The following CEP95 variants were observed in gnomAD, a reference collection of about 807,000 sequenced individuals.
CEP95 encodes the protein centrosomal protein of 95 kDa.
CEP95 carries 98 observed loss-of-function variants against 111.2 expected under a neutral mutation model. The observed-to-expected ratio is 0.88, with a 90% CI of 0.75 to 1.04. The LOEUF is 1.04. Among genes scored for constraint, CEP95 ranks in the 50% least tolerant of loss-of-function variants. The probability of loss-of-function intolerance (pLI) is 0.00; values close to 1 mark genes in which losing one functional copy is unlikely to be tolerated. For missense variants in CEP95, 1,027 were observed against 977.2 expected, an observed-to-expected ratio of 1.05 and a Z score of -0.68; for synonymous variants, 323 against 327.1, an observed-to-expected ratio of 0.99 and a Z score of 0.14.
chr17:64,533,082 T>TTA, intron 15 of CEP95, 35 bp from the exon 16 acceptor site: 1 of 1,607,604 alleles, frequency 6.2e-7, no homozygotes, highest in Non-Finnish European at 8.5e-7. Context: ...GTGAACAGCA[T>TTA]TATTAACCTA....
intron 13 of CEP95, 99 bp from the exon 14 acceptor site, chr17:64,531,787 AAAAC>A: frequency 1.2e-6 from 1 of 867,936 alleles, no homozygotes; most frequent in Non-Finnish European, 1.6e-6. Context: ...AAAAAACTAA[AAAAC>A]TACCGTTAGC....
At position 64,529,303 on chromosome 17, in the gene CEP95, G is replaced by A; in HGVS notation, c.1322G>A (p.Arg441Lys). Residue 441 changes from arginine (R) to lysine (K), a missense_variant, in exon 12 of 20, where the codon AGA becomes AAA. Arg to Lys is a conservative substitution (Grantham distance 26). Coordinates refer to ENST00000556440, the MANE Select transcript of CEP95 (RefSeq NM_138363.3). ...TCTGTTGCAGGACTTTCCATGCGTA[G>A]AAAGCCACCCTACAGATCCCATTCG... ...KKSRPGLSMR[R>K]KPPYRSHSLS... 6.2e-7 allele frequency: 1 copy of A among 1,612,874 alleles called. No individual in the cohort carries two copies. Among genetic ancestry groups the A allele is most frequent in the East Asian group, 2.2e-5 (1 of 44,840 alleles).
In CEP95 at chr17:64,521,490, T is replaced by A; in HGVS notation, c.678T>A (p.Ser226Arg). 6.2e-7 allele frequency: 1 copy of A among 1,612,756 alleles called. No individual in the cohort carries two copies. The highest frequency in any genetic ancestry group is 8.5e-7 in the Non-Finnish European group (1 of 1,179,100). The change falls in exon 7 of 20, where the codon AGT becomes AGA. Residue 226 changes from serine to arginine, a missense_variant. Ser to Arg is a moderately radical substitution (Grantham distance 110, BLOSUM62 -1). Transcript: ENST00000556440. ...ATGAAGATATGTTGTACCCTCCTAGTGTTTTGTCCAAGAGTAGGACATCCT... is the reference window on the plus strand; with the variant it reads ...ATGAAGATATGTTGTACCCTCCTAGAGTTTTGTCCAAGAGTAGGACATCCT... ...KSHEDMLYPP[S>R]VLSKSRTSFV...
At chr17:64,529,481 C>T (rs1968109015) in intron 12 of CEP95, 54 bp downstream of exon 12, 1 of 1,560,174 alleles carries the variant, frequency 6.4e-7, no homozygotes, top group Non-Finnish European at 8.8e-7. Flanking sequence ...CATTTCCCCT[C>T]AGCCAGATGC....
At chr17:64,532,701 A>G in intron 14 of CEP95, 138 bp from the exon 15 acceptor site, 1 of 1,445,386 alleles carries the variant, frequency 6.9e-7, no homozygotes, top group Non-Finnish European at 9.1e-7. Flanking sequence ...GAGTAATGCA[A>G]ATTATTATAA....
intron 1 of CEP95, chr17:64,507,430 G>A: frequency 7.4e-7 from 1 of 1,349,238 alleles, no homozygotes; most frequent in East Asian, 3.0e-5. Flanking sequence ...GCGTCTAGCC[G>A]CTGTCCGTGT....
At chr17:64,532,137 T>G in intron 14 of CEP95, 115 bp downstream of exon 14, 1 of 1,379,570 alleles carries the variant, frequency 7.2e-7, no homozygotes, top group East Asian at 2.7e-5. Flanking sequence ...AAGAAAGTTT[T>G]TTTTTTTTCC....
At chr17:64,537,466 G>C in intron 19 of CEP95, 137 bp from the exon 20 acceptor site, 7 of 1,396,650 alleles carry the variant, frequency 5.0e-6, no homozygotes, top group Non-Finnish European at 6.5e-6. Context: ...CTTTAGTTAG[G>C]TCTCTGTAAG....
At chr17:64,506,927 C>G, upstream of CEP95, 5 of 752,666 alleles carry the variant, frequency 6.6e-6, no homozygotes, top group Non-Finnish European at 1.2e-5. Flanking sequence ...CCTCTGATGA[C>G]CAATCAGCGG....
intron 1 of CEP95, 26 bp from the exon 2 acceptor site, chr17:64,508,566 T>C (rs1555673671): frequency 2.2e-6 from 3 of 1,353,818 alleles, no homozygotes; most frequent in Non-Finnish European, 2.9e-6. Flanking sequence ...TTTTTAAGAC[T>C]GATCTTTCCC....
Position 64,519,248 on chromosome 17 carries a change from C to G in CEP95, c.474-73C>G, listed in dbSNP as rs939190747. ...AGTCTTTTCCTTTTTCTGCACCCAGCAGCTCTCCAGGTCCTCAGGGGAAGG... is the reference window on the plus strand; with the variant it reads ...AGTCTTTTCCTTTTTCTGCACCCAGGAGCTCTCCAGGTCCTCAGGGGAAGG... On this transcript the variant is annotated intron_variant, in intron 5 of 19. Coordinates refer to ENST00000556440, the MANE Select transcript of CEP95 (RefSeq NM_138363.3). 30 of 892,340 alleles carry G rather than the reference C, an allele frequency of 3.4e-5. No homozygotes were observed. The Admixed American group carries it at 3.6e-4, about 11-fold the overall frequency. The allele number at this position is 892,340 out of a possible 1,614,324, so 55.3% of individuals were successfully genotyped here. A position where few individuals can be genotyped will look rare whatever the true frequency, so the allele number is the denominator to read the frequency against.
intron 8 of CEP95, among the ~76,000 whole-genome samples, chr17:64,525,124 C>T (rs1371465329): frequency 1.3e-5 from 2 of 150,810 alleles, no homozygotes; most frequent in African/African-American, 2.4e-5. Context: ...GTGGATCACT[C>T]GAGGTCAGGA....
intron 3 of CEP95, among the ~76,000 whole-genome samples, chr17:64,510,497 G>A (rs1047718394): frequency 1.3e-5 from 2 of 152,094 alleles, no homozygotes; most frequent in African/African-American, 2.4e-5. Context: ...GGTCTGAAAC[G>A]TAAATATCCT....
At chr17:64,510,985 T>C (rs1215411860) in intron 3 of CEP95, among the ~76,000 whole-genome samples, 1 of 152,162 alleles carries the variant, frequency 6.6e-6, no homozygotes. Context: ...ACATCACATG[T>C]CTGTAGGTTC....
chr17:64,514,479 AC>A, intron 4 of CEP95, 121 bp downstream of exon 4: 2 of 540,708 alleles, frequency 3.7e-6, no homozygotes, highest in Non-Finnish European at 6.8e-6. Flanking sequence ...ATACCTGATA[AC>A]CGTAGTTGTA....
chr17:64,514,640 A>T (rs2039051455), intron 4 of CEP95: 2 of 398,286 alleles, frequency 5.0e-6, no homozygotes, highest in Non-Finnish European at 8.9e-6. Flanking sequence ...TTGTCCTATG[A>T]TTGCATAAAA....
upstream of CEP95, chr17:64,506,817 C>T: frequency 3.4e-6 from 2 of 580,554 alleles, no homozygotes. Flanking sequence ...GACCGTCCGA[C>T]CCGCGTGTCT....
At chr17:64,507,336 T>G (rs138461987) in intron 1 of CEP95, 36 of 1,432,468 alleles carry the variant, frequency 2.5e-5, no homozygotes, top group Middle Eastern at 2.6e-4. Context: ...AGAGAGGCAC[T>G]GGGGCGAGGC....
intron 4 of CEP95, chr17:64,514,820 A>C (rs2039059681): frequency 5.5e-6 from 1 of 182,990 alleles, no homozygotes; most frequent in African/African-American, 2.3e-5. Context: ...GAAAGAACTT[A>C]ACTGTCTTAA....
Sources: gnomAD v4.1 joint callset for allele counts (sites outside exome capture counted in the v4.1 genomes callset) on GRCh38, gnomAD v4.1.1 for gene constraint, MANE v1.5 for transcripts, NCBI Gene and HGNC (gene_info 2026-07-23, HGNC 2026-07-21) for gene names.